UBQLN1: variants seen among roughly 807,000 people sequenced by gnomAD.
UBQLN1 encodes the protein ubiquilin 1, also known as ubiquilin-1.
Under a neutral mutation model 65.4 loss-of-function variants are expected in UBQLN1, and 13 were observed. That is an observed-to-expected ratio of 0.20 (90% CI 0.13 to 0.32). The LOEUF (loss-of-function observed/expected upper bound fraction) is 0.32. UBQLN1 is among the 10% of genes least tolerant of loss of function. UBQLN1 has a pLI of 1.00. For synonymous variants in UBQLN1, 267 were observed against 247.8 expected (o/e 1.08, Z -0.73); for missense variants, 561 against 724.0 (o/e 0.77, Z 2.58).
chr9:83,683,189 G>A, intron 2 of UBQLN1, 123 bp from the exon 3 acceptor site: 1 of 539,548 alleles, frequency 1.9e-6, no homozygotes, highest in Non-Finnish European at 3.3e-6. Flanking sequence ...GAAGCTGGCT[G>A]ATCACGAGGT....
At chr9:83,673,580 A>AAAAAC (rs1554727531) in intron 6 of UBQLN1, among the ~76,000 whole-genome samples, 4 of 109,562 alleles carry the variant, frequency 3.7e-5, no homozygotes, top group African/African-American at 1.2e-4. Context: ...AAAAAAAAAA[A>AAAAAC]CTGCGCTTAC....
intron 6 of UBQLN1, among the ~76,000 whole-genome samples, chr9:83,676,640 A>T (rs1831837842): frequency 6.6e-6 from 1 of 152,218 alleles, no homozygotes; most frequent in African/African-American, 2.4e-5. Flanking sequence ...AATATATATC[A>T]ACTGTGATCA....
intron 1 of UBQLN1, among the ~76,000 whole-genome samples, chr9:83,687,942 T>C (rs1360358372): frequency 6.6e-6 from 1 of 152,210 alleles, no homozygotes; most frequent in African/African-American, 2.4e-5. Context: ...TCCTATGATA[T>C]ATAATCCTTT....
chr9:83,669,159 CT>C, intron 7 of UBQLN1, 25 bp downstream of exon 7: 1 of 1,597,166 alleles, frequency 6.3e-7, no homozygotes. Flanking sequence ...ACTGCACAGT[CT>C]TTTTCAATAC....
In UBQLN1 at chr9:83,678,601, T is replaced by C. The variant is rs1831882902; in HGVS notation, c.712-2A>G. The C allele has an allele frequency of 6.3e-7, 1 of 1,583,432 alleles. No individual in the cohort carries two copies. The highest frequency in any genetic ancestry group is 1.4e-5 in the African/African-American group (1 of 72,462). On this transcript the variant is annotated splice_acceptor_variant, in intron 4 of 10. Coordinates refer to ENST00000376395, the MANE Select transcript of UBQLN1 (RefSeq NM_013438.5). LOFTEE classifies it high-confidence loss of function. Reference sequence around the variant, plus strand: ...TGGATTCCTGGCAAGTTCCAACGTCTACGAAAAATATTTCCAAAAAAAGAA... The same window carrying C: ...TGGATTCCTGGCAAGTTCCAACGTCCACGAAAAATATTTCCAAAAAAAGAA...
chr9:83,676,783 T>A (rs891361309), intron 6 of UBQLN1, among the ~76,000 whole-genome samples: 1 of 152,204 alleles, frequency 6.6e-6, no homozygotes, highest in African/African-American at 2.4e-5. Context: ...TATCTCATCT[T>A]AGAGAAGTGC....
At chr9:83,684,006 G>C (rs1026777336) in intron 2 of UBQLN1, among the ~76,000 whole-genome samples, 1 of 151,904 alleles carries the variant, frequency 6.6e-6, no homozygotes, top group Non-Finnish European at 1.5e-5. Context: ...GGGTGACAGA[G>C]AGAGACTCTT....
Position 83,661,741 on chromosome 9 carries a change from C to A in UBQLN1, c.*46G>T. Reference sequence around the variant, plus strand: ...AAGCAGGTATTTTAAAGTTTAAGAGCCGTTATCAAAAATAAATTACATTTT... The same window carrying A: ...AAGCAGGTATTTTAAAGTTTAAGAGACGTTATCAAAAATAAATTACATTTT... On this transcript the variant is annotated 3_prime_UTR_variant, in exon 11 of 11. Transcript: ENST00000376395. The A allele has an allele frequency of 6.4e-7, 1 of 1,553,648 alleles. No individual in the cohort carries two copies. The highest frequency in any genetic ancestry group is 8.7e-7 in the Non-Finnish European group (1 of 1,148,168).
intron 1 of UBQLN1, among the ~76,000 whole-genome samples, chr9:83,698,693 C>G (rs1211871104): frequency 6.6e-6 from 1 of 152,058 alleles, no homozygotes; most frequent in Non-Finnish European, 1.5e-5. Flanking sequence ...GGGGGCAGAT[C>G]GCTTGAGCTC....
chr9:83,665,278 T>C (rs999653893), intron 8 of UBQLN1, 133 bp from the exon 9 acceptor site: 18 of 560,110 alleles, frequency 3.2e-5, no homozygotes, highest in East Asian at 2.6e-4. Flanking sequence ...CCATAATTTC[T>C]TTCCCAAAAT....
At chr9:83,672,258 C>T (rs1019059946) in intron 6 of UBQLN1, among the ~76,000 whole-genome samples, 37 of 152,228 alleles carry the variant, frequency 2.4e-4, no homozygotes, top group Admixed American at 2.4e-3. Context: ...TTCATGTCTT[C>T]ACTGGAGTAG....
intron 2 of UBQLN1, among the ~76,000 whole-genome samples, chr9:83,685,788 A>G (rs1440406231): frequency 1.3e-5 from 2 of 152,256 alleles, no homozygotes; most frequent in African/African-American, 2.4e-5. Flanking sequence ...CTAAATACCA[A>G]TGAACCTTGT....
At chr9:83,688,823 T>C (rs951643819) in intron 1 of UBQLN1, among the ~76,000 whole-genome samples, 10 of 151,150 alleles carry the variant, frequency 6.6e-5, no homozygotes, top group African/African-American at 2.4e-4. Flanking sequence ...ATTGCACCAT[T>C]GCACTCCAGC....
chr9:83,695,825 GA>G (rs1564171700), intron 1 of UBQLN1, among the ~76,000 whole-genome samples: 1 of 152,214 alleles, frequency 6.6e-6, no homozygotes, highest in Non-Finnish European at 1.5e-5. Flanking sequence ...TAGAATCTGT[GA>G]AGTATGCTAA....
intron 1 of UBQLN1, among the ~76,000 whole-genome samples, chr9:83,707,034 C>A (rs912034900): frequency 6.6e-5 from 10 of 152,226 alleles, no homozygotes; most frequent in African/African-American, 2.4e-4. Flanking sequence ...CCCCAAAACC[C>A]ACCTTAACAA....
intron 5 of UBQLN1, 107 bp from the exon 6 acceptor site, chr9:83,678,068 C>G (rs1831871314): frequency 1.1e-6 from 1 of 890,978 alleles, no homozygotes; most frequent in Admixed American, 3.0e-5. Flanking sequence ...GTGACCCAGG[C>G]TGGAGTGCAG....
intron 5 of UBQLN1, among the ~76,000 whole-genome samples, 154 bp from the exon 6 acceptor site, chr9:83,678,115 G>T (rs1279518579): frequency 6.7e-6 from 1 of 148,678 alleles, no homozygotes; most frequent in Non-Finnish European, 1.5e-5. Flanking sequence ...TCCGCCTCCT[G>T]TGTTCACACC....
intron 9 of UBQLN1, among the ~76,000 whole-genome samples, chr9:83,664,530 T>A (rs1440994085): frequency 6.6e-6 from 1 of 152,074 alleles, no homozygotes; most frequent in Non-Finnish European, 1.5e-5. Flanking sequence ...GGTGGGAGGA[T>A]CACCTGAGCT....
At chr9:83,675,085 A>G (rs1831808828) in intron 6 of UBQLN1, among the ~76,000 whole-genome samples, 1 of 152,228 alleles carries the variant, frequency 6.6e-6, no homozygotes, top group African/African-American at 2.4e-5. Context: ...AATGAGGAGC[A>G]CTGTTAACTC....
Sources: gnomAD v4.1 joint callset for allele counts (sites outside exome capture counted in the v4.1 genomes callset) on GRCh38, gnomAD v4.1.1 for gene constraint, MANE v1.5 for transcripts, NCBI Gene and HGNC (gene_info 2026-07-23, HGNC 2026-07-21) for gene names.